STAB1: variants seen among roughly 807,000 people sequenced by gnomAD.
STAB1 encodes the protein stabilin 1, also known as stabilin-1.
A neutral mutation model predicts 332.4 loss-of-function variants in STAB1; 250 were observed. That is an observed-to-expected ratio of 0.75 (90% CI 0.68 to 0.84). The LOEUF is 0.84. Among genes scored for constraint, STAB1 ranks in the 40% least tolerant of loss-of-function variants. The probability of loss-of-function intolerance (pLI) is 0.00; values close to 1 mark genes in which losing one functional copy is unlikely to be tolerated. For missense variants in STAB1, 3,249 were observed against 3,489.7 expected (o/e 0.93, Z 1.74); for synonymous variants, 1,475 against 1,390.4 (o/e 1.06, Z -1.35).
In STAB1 at chr3:52,522,553, A is replaced by T; in HGVS notation, c.6611-2A>T. The T allele has an allele frequency of 6.2e-7, 1 of 1,613,064 alleles. No individual in the cohort carries two copies. The highest frequency in any genetic ancestry group is 8.5e-7 in the Non-Finnish European group (1 of 1,180,012). On this transcript the variant is annotated splice_acceptor_variant, in intron 60 of 68. Transcript: ENST00000321725. LOFTEE classifies it high-confidence loss of function. ...CTGACCATGCACCCCTCCATTCTGC[A>T]GAGAAACGGGCTGGCGTTTTCCACC...
At chr3:52,495,537 C>G (rs372564883) in intron 1 of STAB1, 46 bp downstream of exon 1, 3 of 1,278,704 alleles carry the variant, frequency 2.3e-6, no homozygotes, top group Non-Finnish European at 3.0e-6. Flanking sequence ...TGGGCCCTGC[C>G]GGCCAGCGGT....
At chr3:52,497,402 G>A (rs1024678215) in intron 1 of STAB1, among the ~76,000 whole-genome samples, 6 of 147,010 alleles carry the variant, frequency 4.1e-5, no homozygotes, top group East Asian at 2.0e-4. Flanking sequence ...ATGTGAATTC[G>A]ATGCCTTTTT....
chr3:52,518,906 C>CCCCGT lies in STAB1; in HGVS notation c.5034+41_5034+42insTCCCG, dbSNP rs1553678786. On this transcript the variant is annotated intron_variant, in intron 48 of 68. Coordinates refer to ENST00000321725, the MANE Select transcript of STAB1 (RefSeq NM_015136.3). ...CCCTGGCCTGCCCCGCTCCATCCCG[C>CCCCGT]CCCGCCCCGCCCCTGCGCGCCATTG... The CCCCGT allele has an allele frequency of 3.8e-5, 55 of 1,439,306 alleles. 1 individual carries two copies. In the Admixed American group the frequency reaches 4.0e-4, roughly 11 times the overall value. 89.2% of individuals were successfully genotyped at this position (1,439,306 alleles called of 1,614,324 possible).
rs930064765 is a variant in STAB1 at position 52,516,547 on chromosome 3, A to G, written c.4246A>G (p.Thr1416Ala). The G allele has an allele frequency of 6.2e-7, 1 of 1,613,000 alleles. No individual in the cohort carries two copies. Residue 1416 changes from threonine (T) to alanine (A), a missense_variant, in exon 40 of 69, where the codon ACC becomes GCC. Coordinates refer to ENST00000321725, the MANE Select transcript of STAB1 (RefSeq NM_015136.3). ...GTCATCCTCCTGCCCCCCAGAAATC[A>G]CCAGCCCTCAGTGCCCTAGGAAGTG... ...WQGLRCDQKI[T>A]SPQCPRKCDP... is the part of the protein sequence containing the mutation.
Position 52,511,736 on chromosome 3 carries a change from C to T in STAB1, c.2874C>T (p.Cys958=), listed in dbSNP as rs1276831578. 1.3e-6 allele frequency: 2 copies of T among 1,589,090 alleles called. No homozygotes were observed. Among genetic ancestry groups the T allele is most frequent in the East Asian group, 2.3e-5 (1 of 43,834 alleles). ...IDPCRAGNGG[C]HGLATCRAVG... The stretch of plus-strand genomic sequence containing the variant: ...CCTGCCGGGCAGGCAATGGCGGCTG[C>T]CACGGCCTGGTAAGGGGGTGCAAGG... Residue 958 remains cysteine (C), a synonymous_variant, in exon 26 of 69, where the codon TGC becomes TGT. Transcript: ENST00000321725.
intron 36 of STAB1, 140 bp from the exon 37 acceptor site, chr3:52,515,283 C>A: frequency 2.2e-6 from 2 of 914,500 alleles, no homozygotes; most frequent in African/African-American, 1.6e-5. Context: ...CATCAGTCTG[C>A]CTGTCTTGGT....
intron 7 of STAB1, 64 bp from the exon 8 acceptor site, chr3:52,503,280 A>C: frequency 6.5e-7 from 1 of 1,546,510 alleles, no homozygotes; most frequent in Non-Finnish European, 8.8e-7. Flanking sequence ...TCCTGGTGAA[A>C]GCTGTGGCGG....
At chr3:52,497,228 A>G (rs750437305) in intron 1 of STAB1, among the ~76,000 whole-genome samples, 1 of 151,848 alleles carries the variant, frequency 6.6e-6, no homozygotes, top group Non-Finnish European at 1.5e-5. Flanking sequence ...GACCTCAGGT[A>G]ATCCACCTGC....
In STAB1 at chr3:52,517,324, T is replaced by TAA; in HGVS notation, c.4495_4496dup (p.Asn1499LysfsTer93). On this transcript the variant is annotated frameshift_variant, in exon 43 of 69. Coordinates refer to ENST00000321725, the MANE Select transcript of STAB1 (RefSeq NM_015136.3). LOFTEE classifies it high-confidence loss of function. ...TCCCAGTGTCTCTTCCCCCAGAAAT[T>TAA]AACAGCTGTCTCATCCACCACGGGG... 6.3e-7 allele frequency: 1 copy of TAA among 1,578,022 alleles called. No individual in the cohort carries two copies. Among genetic ancestry groups the TAA allele is most frequent in the Non-Finnish European group, 8.6e-7 (1 of 1,165,426 alleles).
At chr3:52,511,019 C>T (rs1458577323) in intron 25 of STAB1, among the ~76,000 whole-genome samples, 1 of 152,250 alleles carries the variant, frequency 6.6e-6, no homozygotes, top group Non-Finnish European at 1.5e-5. Context: ...GCTCCCTGTC[C>T]TCCCAACTCC....
At chr3:52,520,333 G>T in intron 52 of STAB1, 43 bp downstream of exon 52, 1 of 1,612,954 alleles carries the variant, frequency 6.2e-7, no homozygotes, top group Non-Finnish European at 8.5e-7. Flanking sequence ...GTAGGAGGCA[G>T]GGGCCCTGGC....
chr3:52,506,629 G>A, intron 17 of STAB1, 63 bp from the exon 18 acceptor site: 1 of 1,514,068 alleles, frequency 6.6e-7, no homozygotes. Flanking sequence ...GGGTGGAGGT[G>A]GGCAGCCCCA....
rs748130528 is a variant in STAB1, at chr3:52,519,494, C to T, written c.5176-11C>T. 29 of 1,613,114 alleles carry T rather than the reference C, an allele frequency of 1.8e-5. No homozygotes were observed. Among genetic ancestry groups the T allele is most frequent in the Non-Finnish European group, 2.4e-5 (28 of 1,180,000 alleles). On this transcript the variant is annotated splice_polypyrimidine_tract_variant and intron_variant, in intron 49 of 68. Coordinates refer to ENST00000321725, the MANE Select transcript of STAB1 (RefSeq NM_015136.3). The stretch of plus-strand genomic sequence containing the variant: ...CGCCTGGCCTAGCTGTTTATGAGAG[C>T]CTTTCCTCAGAGAAATGTCACCGCC...
intron 20 of STAB1, 78 bp downstream of exon 20, chr3:52,508,104 A>G: frequency 6.8e-7 from 1 of 1,464,794 alleles, no homozygotes; most frequent in Admixed American, 1.8e-5. Flanking sequence ...GCTGGGGCTG[A>G]GTGGGCTCCC....
chr3:52,496,936 C>T (rs1708071755), intron 1 of STAB1, among the ~76,000 whole-genome samples: 2 of 152,228 alleles, frequency 1.3e-5, no homozygotes. Context: ...GCACCCTGTA[C>T]TTGGGTTCAA....
chr3:52,516,563 C>A lies in STAB1; in HGVS notation c.4262C>A (p.Pro1421His). The change falls in exon 40 of 69, where the codon CCT becomes CAT. Residue 1421 changes from proline (P) to histidine (H), a missense_variant. Physicochemically the swap from Pro to His is moderately conservative, Grantham distance 77 (BLOSUM62 -2). Coordinates refer to ENST00000321725, the MANE Select transcript of STAB1 (RefSeq NM_015136.3). Reference sequence around the variant, plus strand: ...CCAGAAATCACCAGCCCTCAGTGCCCTAGGAAGTGCGACCCCAATGCCAAG... The same window carrying A: ...CCAGAAATCACCAGCCCTCAGTGCCATAGGAAGTGCGACCCCAATGCCAAG... Reference protein sequence around the residue: ...CDQKITSPQCPRKCDPNANCV... With the variant: ...CDQKITSPQCHRKCDPNANCV... 6.2e-7 allele frequency: 1 copy of A among 1,613,178 alleles called. No individual in the cohort carries two copies. Among genetic ancestry groups the A allele is most frequent in the Non-Finnish European group, 8.5e-7 (1 of 1,179,992 alleles).
At position 52,507,982 on chromosome 3, in the gene STAB1, G is replaced by A. The variant is rs1385281097; in HGVS notation, c.2104G>A (p.Val702Met). The change falls in exon 20 of 69, where the codon GTG (valine) becomes ATG (methionine). Residue 702 changes from valine to methionine, a missense_variant. Transcript: ENST00000321725. ...VYIHDPTGLN[V>M]LKKGCASYCN... The stretch of plus-strand genomic sequence containing the variant: ...CATCCATGACCCAACGGGGCTCAAT[G>A]TGCTAAAGAAGGGCTGTGCCAGCTA... 1.2e-6 allele frequency: 2 copies of A among 1,613,606 alleles called. No individual in the cohort carries two copies. The highest frequency in any genetic ancestry group is 1.7e-6 in the Non-Finnish European group (2 of 1,180,022).
chr3:52,515,971 T>C, intron 37 of STAB1, 72 bp from the exon 38 acceptor site: 2 of 1,463,606 alleles, frequency 1.4e-6, no homozygotes, highest in Non-Finnish European at 1.8e-6. Context: ...GGCCCCGAGA[T>C]GCCCCCGTTC....
intron 55 of STAB1, 136 bp downstream of exon 55, chr3:52,521,141 C>A: frequency 2.5e-6 from 3 of 1,191,972 alleles, no homozygotes; most frequent in East Asian, 2.6e-5. Context: ...ATTTTACTAG[C>A]GGGAGTGCTC....
Sources: allele counts gnomAD v4.1 joint callset (sites outside exome capture counted in the v4.1 genomes callset), GRCh38; gene constraint gnomAD v4.1.1; transcripts MANE v1.5; gene names NCBI Gene and HGNC (gene_info 2026-07-23, HGNC 2026-07-21).